The following RABGAP1L variants were observed in gnomAD, a reference collection of about 807,000 sequenced individuals.
The protein encoded by RABGAP1L is rab GTPase-activating protein 1-like.
Under a neutral mutation model 137.7 loss-of-function variants are expected in RABGAP1L, and 63 were observed. That is an observed-to-expected ratio of 0.46 (90% CI 0.37 to 0.56). RABGAP1L has a LOEUF of 0.56. RABGAP1L is among the 20% of genes least tolerant of loss of function. RABGAP1L has a pLI of 0.00. For missense variants in RABGAP1L, 1,095 were observed against 1,244.0 expected (o/e 0.88, Z 1.80); for synonymous variants, 431 against 433.7 (o/e 0.99, Z 0.08).
chr1:174,278,898 A>G (rs953386278), intron 10 of RABGAP1L, 119 bp downstream of exon 10: 1 of 930,846 alleles, frequency 1.1e-6, no homozygotes, highest in Non-Finnish European at 1.5e-6. Context: ...AAGAAATCAA[A>G]TGATATTTGA....
intron 18 of RABGAP1L, among the ~76,000 whole-genome samples, chr1:174,807,696 G>A (rs1689447122): frequency 1.3e-5 from 2 of 152,124 alleles, no homozygotes; most frequent in Admixed American, 1.3e-4. Context: ...TATGTGTTTT[G>A]TGCTTACTGG....
chr1:174,900,015 G>C (rs1268098945), intron 19 of RABGAP1L, among the ~76,000 whole-genome samples: 1 of 152,108 alleles, frequency 6.6e-6, no homozygotes, highest in Non-Finnish European at 1.5e-5. Flanking sequence ...TGGTTAATGA[G>C]TAGAAGCTAC....
At chr1:174,659,438 C>G (rs1013016794) in intron 14 of RABGAP1L, among the ~76,000 whole-genome samples, 3 of 152,166 alleles carry the variant, frequency 2.0e-5, no homozygotes, top group African/African-American at 7.2e-5. Context: ...GACCTGTCAG[C>G]ACCATCGTGC....
chr1:174,570,043 A>G (rs1364489065), intron 13 of RABGAP1L, among the ~76,000 whole-genome samples: 3 of 152,186 alleles, frequency 2.0e-5, no homozygotes, highest in Admixed American at 6.5e-5. Context: ...CCATTGATAT[A>G]AGGTAAGTGT....
intron 17 of RABGAP1L, among the ~76,000 whole-genome samples, chr1:174,734,091 G>A (rs1206608519): frequency 6.6e-6 from 1 of 152,204 alleles, no homozygotes; most frequent in East Asian, 1.9e-4. Flanking sequence ...GAAGAGATTG[G>A]AGGAAGAACA....
chr1:174,596,960 A>G (rs1669986905), intron 13 of RABGAP1L, among the ~76,000 whole-genome samples: 1 of 152,098 alleles, frequency 6.6e-6, no homozygotes, highest in South Asian at 2.1e-4. Flanking sequence ...GTTTTTTTGT[A>G]TCAATTGAAA....
chr1:174,791,609 A>G (rs1321479273), intron 18 of RABGAP1L, among the ~76,000 whole-genome samples: 1 of 152,182 alleles, frequency 6.6e-6, no homozygotes, highest in Non-Finnish European at 1.5e-5. Flanking sequence ...TTCTGCTAAC[A>G]TATGTTTATA....
intron 18 of RABGAP1L, among the ~76,000 whole-genome samples, chr1:174,783,996 TTTCTTC>T (rs1558074921): frequency 6.8e-6 from 1 of 147,648 alleles, no homozygotes; most frequent in African/African-American, 2.5e-5. Context: ...GCCGTGAGTT[TTTCTTC>T]TTCTTCTTCT....
At chr1:174,227,880 A>G (rs1340065860) in intron 3 of RABGAP1L, among the ~76,000 whole-genome samples, 2 of 136,654 alleles carry the variant, frequency 1.5e-5, no homozygotes, top group African/African-American at 5.6e-5. Flanking sequence ...TTAGTCTGTT[A>G]TATTTTGAAG....
intron 18 of RABGAP1L, among the ~76,000 whole-genome samples, chr1:174,768,162 T>C (rs1685831488): frequency 6.6e-6 from 1 of 152,202 alleles, no homozygotes; most frequent in African/African-American, 2.4e-5. Flanking sequence ...GCATTTTCTT[T>C]CTTTTTCTTG....
At chr1:174,550,917 C>CATACACAT (rs1553330146) in intron 13 of RABGAP1L, among the ~76,000 whole-genome samples, 1 of 96,452 alleles carries the variant, frequency 1.0e-5, no homozygotes, top group East Asian at 3.0e-4. Context: ...TATACACACA[C>CATACACAT]ACACATATAT....
At chr1:174,288,477 G>T (rs1451285566) in intron 10 of RABGAP1L, among the ~76,000 whole-genome samples, 1 of 152,142 alleles carries the variant, frequency 6.6e-6, no homozygotes, top group East Asian at 1.9e-4. Context: ...GCCAGGTATA[G>T]TATTCTTGGT....
chr1:174,957,018 A>G (rs567797681), intron 19 of RABGAP1L, among the ~76,000 whole-genome samples: 5 of 152,188 alleles, frequency 3.3e-5, no homozygotes, highest in Non-Finnish European at 7.3e-5. Context: ...TCAACATAAT[A>G]GAAGGATATG....
At chr1:174,180,216 G>C (rs1165178534) in intron 1 of RABGAP1L, among the ~76,000 whole-genome samples, 1 of 152,194 alleles carries the variant, frequency 6.6e-6, no homozygotes, top group Non-Finnish European at 1.5e-5. Flanking sequence ...GAGTGGCAGA[G>C]AACTAGTAGT....
At position 174,754,662 on chromosome 1, in the gene RABGAP1L, C is replaced by A. The variant is rs556190231; in HGVS notation, c.2211+2308C>A. On this transcript the variant is annotated intron_variant, in intron 18 of 25. Coordinates refer to ENST00000681986, the MANE Select transcript of RABGAP1L (RefSeq NM_001366446.1). ...AATTACAGGTAGATGCCACCATGCC[C>A]AGCTAATTTTAAAAATATTGTAGAG... Among the ~76,000 whole-genome samples the A allele has an allele frequency of 3.3e-5, 5 of 152,126 alleles. No homozygotes were observed. In the South Asian group the frequency reaches 1.0e-3, roughly 32 times the overall value.
intron 17 of RABGAP1L, among the ~76,000 whole-genome samples, chr1:174,709,315 C>T (rs544986123): frequency 6.6e-6 from 1 of 152,166 alleles, no homozygotes; most frequent in Non-Finnish European, 1.5e-5. Context: ...GTACAGTGCT[C>T]GAGCTCTGCT....
intron 13 of RABGAP1L, among the ~76,000 whole-genome samples, chr1:174,565,422 C>T (rs1275518490): frequency 6.6e-6 from 1 of 152,100 alleles, no homozygotes; most frequent in Non-Finnish European, 1.5e-5. Context: ...AACTTCATTG[C>T]AGTATTCTCT....
intron 13 of RABGAP1L, among the ~76,000 whole-genome samples, chr1:174,550,536 T>C (rs1219488166): frequency 2.0e-5 from 3 of 152,266 alleles, no homozygotes; most frequent in South Asian, 2.1e-4. Flanking sequence ...TACTGACTCA[T>C]TATTTGTCAT....
intron 17 of RABGAP1L, among the ~76,000 whole-genome samples, chr1:174,751,349 A>G (rs1393058300): frequency 6.6e-6 from 1 of 152,212 alleles, no homozygotes; most frequent in East Asian, 1.9e-4. Context: ...AGCATGGTTT[A>G]TTATAAGTTT....
Sources: gnomAD v4.1 joint callset for allele counts (sites outside exome capture counted in the v4.1 genomes callset) on GRCh38, gnomAD v4.1.1 for gene constraint, MANE v1.5 for transcripts, NCBI Gene and HGNC (gene_info 2026-07-23, HGNC 2026-07-21) for gene names.